Variants in SLC7A1 observed in about 807,000 individuals in gnomAD.
SLC7A1 encodes solute carrier family 7 member 1.
SLC7A1 carries 10 observed loss-of-function variants against 53.9 expected under a neutral mutation model. The observed-to-expected ratio is 0.19, with a 90% CI of 0.11 to 0.31. The LOEUF is 0.31. SLC7A1 is among the 10% of genes least tolerant of loss of function. The probability of loss-of-function intolerance (pLI) is 1.00; values close to 1 mark genes in which losing one functional copy is unlikely to be tolerated. For missense variants in SLC7A1, 525 were observed against 827.2 expected (o/e 0.63, Z 4.48); for synonymous variants, 342 against 338.7 (o/e 1.01, Z -0.11).
At chr13:29,589,272 G>A (rs184811798) in intron 1 of SLC7A1, among the ~76,000 whole-genome samples, 19 of 152,366 alleles carry the variant, frequency 1.2e-4, no homozygotes, top group Admixed American at 5.9e-4. Context: ...TTTCCCCTAC[G>A]AACAGTCTCT....
rs1883359273 is a variant in SLC7A1 at position 29,510,559 on chromosome 13, CA to C, written c.*3920del. 6.6e-6 allele frequency: 1 copy of C among 152,266 alleles called. No individual in the cohort carries two copies. Among genetic ancestry groups the C allele is most frequent in the African/African-American group, 2.4e-5 (1 of 41,476 alleles). The allele number at this position is 152,266 out of a possible 1,614,324, so 9.4% of individuals were successfully genotyped here. ...CATAGTGTATATCCAGATCCGTCTG[CA>C]GGCGAACTCTGCATCAGTTCCACAT... is the stretch of plus-strand genomic sequence containing the variant. On this transcript the variant is annotated 3_prime_UTR_variant, in exon 13 of 13. Coordinates refer to ENST00000380752, the MANE Select transcript of SLC7A1 (RefSeq NM_003045.5).
At chr13:29,576,043 T>C (rs1377480468) in intron 1 of SLC7A1, among the ~76,000 whole-genome samples, 5 of 151,662 alleles carry the variant, frequency 3.3e-5, no homozygotes, top group Admixed American at 2.6e-4. Context: ...ATCCTAGCAC[T>C]CTCGGAGGCT....
In SLC7A1 at chr13:29,519,695, G is replaced by T. The variant is rs1056443165; in HGVS notation, c.1190-146C>A. On this transcript the variant is annotated intron_variant, in intron 8 of 12. Transcript: ENST00000380752. Reference sequence around the variant, plus strand: ...CCTGGCCTTCCCATGGAAAGACACAGCTTAAAGGGAAGTCAAGCTTCCCTT... The same window carrying T: ...CCTGGCCTTCCCATGGAAAGACACATCTTAAAGGGAAGTCAAGCTTCCCTT... The T allele has an allele frequency of 1.3e-5, 7 of 557,864 alleles. No homozygotes were observed. The Admixed American group carries it at 2.6e-4, about 20-fold the overall frequency. The allele number at this position is 557,864 out of a possible 1,614,324, so 34.6% of individuals were successfully genotyped here.
chr13:29,543,735 C>T (rs1264692546), intron 2 of SLC7A1, among the ~76,000 whole-genome samples: 4 of 133,594 alleles, frequency 3.0e-5, no homozygotes, highest in East Asian at 2.2e-4. Flanking sequence ...TCACAGGTTC[C>T]GCAGGAGGAG....
At chr13:29,527,458 C>CCT (rs61591800) in intron 5 of SLC7A1, among the ~76,000 whole-genome samples, 1 of 152,052 alleles carries the variant, frequency 6.6e-6, no homozygotes, top group Non-Finnish European at 1.5e-5. Flanking sequence ...CAAACCAAAA[C>CCT]GTAGAGATAT....
chr13:29,544,866 TC>T (rs1395611944), intron 2 of SLC7A1, among the ~76,000 whole-genome samples: 8 of 16,300 alleles, frequency 4.9e-4, no homozygotes, highest in African/African-American at 8.7e-4. Flanking sequence ...ACCTGCCTCA[TC>T]GGGGGGGGGG....
chr13:29,541,385 T>C (rs568320628), intron 2 of SLC7A1, among the ~76,000 whole-genome samples: 12 of 152,284 alleles, frequency 7.9e-5, no homozygotes, highest in African/African-American at 2.9e-4. Context: ...AAATTAACCG[T>C]GGTCAGTGCC....
intron 1 of SLC7A1, among the ~76,000 whole-genome samples, chr13:29,555,158 A>G (rs1056538088): frequency 5.3e-5 from 8 of 150,812 alleles, no homozygotes; most frequent in African/African-American, 1.7e-4. Context: ...GGAGATCGAG[A>G]CCATCCCGGC....
Position 29,514,327 on chromosome 13 carries a change from TG to T in SLC7A1, c.*152del. 2 of 616,054 alleles carry T rather than the reference TG, an allele frequency of 3.2e-6. No individual in the cohort carries two copies. Among genetic ancestry groups the T allele is most frequent in the Non-Finnish European group, 5.8e-6 (2 of 343,598 alleles). The allele number at this position is 616,054 out of a possible 1,614,324, so 38.2% of individuals were successfully genotyped here. A position where few individuals can be genotyped will look rare whatever the true frequency, so the allele number is the denominator to read the frequency against. On this transcript the variant is annotated 3_prime_UTR_variant, in exon 13 of 13. Transcript: ENST00000380752. ...ACCGGCTGCAGAGCCGAGGGTGGGC[TG>T]GGGCTGCAGGTCAAGTAATTGCACC...
chr13:29,587,022 G>A (rs996632912), intron 1 of SLC7A1, among the ~76,000 whole-genome samples: 12 of 152,210 alleles, frequency 7.9e-5, no homozygotes, highest in Non-Finnish European at 1.5e-4. Context: ...GCTGCCCACC[G>A]AAGTCACTCT....
chr13:29,569,168 C>G (rs28420801), intron 1 of SLC7A1, among the ~76,000 whole-genome samples: 1 of 152,126 alleles, frequency 6.6e-6, no homozygotes, highest in Admixed American at 6.5e-5. Flanking sequence ...TTCCCCACTA[C>G]GAGGCCCACC....
chr13:29,553,455 G>C (rs1181416149), intron 2 of SLC7A1, among the ~76,000 whole-genome samples: 3 of 152,082 alleles, frequency 2.0e-5, no homozygotes, highest in Non-Finnish European at 4.4e-5. Context: ...CCAGGCCTCA[G>C]GGACGGAAGG....
intron 1 of SLC7A1, among the ~76,000 whole-genome samples, chr13:29,585,987 A>G (rs1871863154): frequency 6.6e-6 from 1 of 152,246 alleles, no homozygotes; most frequent in Non-Finnish European, 1.5e-5. Context: ...TCTCAACCAC[A>G]GGACAGGACA....
chr13:29,575,188 C>A (rs1450897727), intron 1 of SLC7A1, among the ~76,000 whole-genome samples: 2 of 152,214 alleles, frequency 1.3e-5, no homozygotes, highest in Non-Finnish European at 2.9e-5. Flanking sequence ...ACCGTTGCAA[C>A]TGTTCTTTAG....
At chr13:29,523,892 C>T (rs1397591112) in intron 6 of SLC7A1, among the ~76,000 whole-genome samples, 2 of 152,206 alleles carry the variant, frequency 1.3e-5, no homozygotes, top group African/African-American at 2.4e-5. Flanking sequence ...CAGCTATGAT[C>T]CCATTCTAAC....
chr13:29,546,485 T>G (rs1030294905), intron 2 of SLC7A1, among the ~76,000 whole-genome samples: 1 of 152,190 alleles, frequency 6.6e-6, no homozygotes, highest in Admixed American at 6.5e-5. Context: ...AAAAGGAGAA[T>G]CAGCATTGCA....
intron 8 of SLC7A1, among the ~76,000 whole-genome samples, chr13:29,521,710 C>A (rs143972627): frequency 2.7e-4 from 41 of 152,296 alleles, no homozygotes; most frequent in African/African-American, 9.4e-4. Flanking sequence ...CCTGGAACAC[C>A]TACACGGCTC....
At chr13:29,552,574 G>A (rs184362565) in intron 2 of SLC7A1, among the ~76,000 whole-genome samples, 3 of 152,058 alleles carry the variant, frequency 2.0e-5, no homozygotes, top group Admixed American at 6.5e-5. Flanking sequence ...AGGAACACCT[G>A]GCCCACCGAG....
intron 1 of SLC7A1, among the ~76,000 whole-genome samples, chr13:29,583,578 G>A (rs941318261): frequency 2.0e-5 from 3 of 152,150 alleles, no homozygotes; most frequent in Non-Finnish European, 2.9e-5. Flanking sequence ...GGGCAACCAG[G>A]AGCCGCAGGA....
Sources: gnomAD v4.1 joint callset for allele counts (sites outside exome capture counted in the v4.1 genomes callset) on GRCh38, gnomAD v4.1.1 for gene constraint, MANE v1.5 for transcripts, NCBI Gene and HGNC (gene_info 2026-07-23, HGNC 2026-07-21) for gene names.